The following KCTD4 variants were observed in gnomAD, a reference collection of about 807,000 sequenced individuals.
KCTD4 encodes potassium channel tetramerization domain containing 4.
In KCTD4, 12 loss-of-function variants were observed where a neutral mutation model predicts 18.3. The observed-to-expected ratio is 0.66, with a 90% confidence interval of 0.42 to 1.06. The LOEUF is 1.06. Ranked by LOEUF, KCTD4 falls within the 50% of genes least tolerant of loss-of-function variation. The pLI is 0.00. For missense variants in KCTD4, 250 were observed against 303.4 expected, an observed-to-expected ratio of 0.82 and a Z score of 1.31; for synonymous variants, 124 against 110.5, an observed-to-expected ratio of 1.12 and a Z score of -0.76.
At position 45,194,855 on chromosome 13, in the gene KCTD4, C is replaced by G. The variant is rs190019058; in HGVS notation, c.-187-101G>C. On this transcript the variant is annotated intron_variant, in intron 1 of 1. Transcript: ENST00000379108. Reference sequence around the variant, plus strand: ...CTATCCTTTGAAGTAATAAGAGTTACTCAGAATAAATTGAATTTCCTCTTG... The same window carrying G: ...CTATCCTTTGAAGTAATAAGAGTTAGTCAGAATAAATTGAATTTCCTCTTG... 67 of 385,784 alleles carry G rather than the reference C, an allele frequency of 1.7e-4. No individual in the cohort carries two copies. In the Middle Eastern group the frequency reaches 2.8e-3, roughly 16 times the overall value. 23.9% of individuals were successfully genotyped at this position (385,784 alleles called of 1,614,324 possible). A position where few individuals can be genotyped will look rare whatever the true frequency, so the allele number is the denominator to read the frequency against.
At chr13:45,199,681 C>G (rs1273085880) in intron 1 of KCTD4, among the ~76,000 whole-genome samples, 5 of 152,188 alleles carry the variant, frequency 3.3e-5, no homozygotes, top group African/African-American at 9.7e-5. Context: ...ATTTTACTTT[C>G]TCTTTGGGAA....
In KCTD4 at chr13:45,193,773, T is replaced by A. The variant is rs770917508; in HGVS notation, c.*15A>T. ...CTGGCTGCATGCTTGTTGCCTTTGT[T>A]CGTGACACAGGTAATTACTTGATAA... On this transcript the variant is annotated 3_prime_UTR_variant, in exon 2 of 2. Transcript: ENST00000379108. 6.4e-7 allele frequency: 1 copy of A among 1,555,136 alleles called. No individual in the cohort carries two copies. The highest frequency in any genetic ancestry group is 1.4e-5 in the African/African-American group (1 of 72,686).
chr13:45,199,509 TA>T (rs56378805), intron 1 of KCTD4, among the ~76,000 whole-genome samples: 31,422 of 152,172 alleles, frequency 0.21, 3,481 homozygotes, highest in African/African-American at 0.23. Context: ...TTAAGTTTTT[TA>T]AAAATGAAGT....
intron 1 of KCTD4, among the ~76,000 whole-genome samples, chr13:45,195,244 A>T (rs959510159): frequency 1.3e-5 from 2 of 152,024 alleles, no homozygotes; most frequent in East Asian, 1.9e-4. Context: ...GATGTTAAGA[A>T]TTTTTTTTAT....
intron 1 of KCTD4, among the ~76,000 whole-genome samples, chr13:45,199,250 T>TA (rs1405872407): frequency 6.6e-6 from 1 of 152,212 alleles, no homozygotes; most frequent in Non-Finnish European, 1.5e-5. Flanking sequence ...CCTACATTGG[T>TA]AAATGTTTTA....
At chr13:45,197,056 G>A (rs978670566) in intron 1 of KCTD4, among the ~76,000 whole-genome samples, 1 of 151,742 alleles carries the variant, frequency 6.6e-6, no homozygotes, top group Non-Finnish European at 1.5e-5. Flanking sequence ...CTTCACTCTG[G>A]TGTTCTTCTG....
At position 45,193,696 on chromosome 13, in the gene KCTD4, A is replaced by G; in HGVS notation, c.*92T>C. 8.5e-7 allele frequency: 1 copy of G among 1,179,362 alleles called. No individual in the cohort carries two copies. 73.1% of individuals were successfully genotyped at this position (1,179,362 alleles called of 1,614,324 possible). On this transcript the variant is annotated 3_prime_UTR_variant, in exon 2 of 2. Coordinates refer to ENST00000379108, the MANE Select transcript of KCTD4 (RefSeq NM_198404.3). ...TAGCAGGGCTCTGTAGTACAGAGCT[A>G]GCTGGGCATGTTATTTGGGATGTCT...
chr13:45,197,426 C>T (rs1593485677), intron 1 of KCTD4, among the ~76,000 whole-genome samples: 1 of 150,310 alleles, frequency 6.7e-6, no homozygotes, highest in Non-Finnish European at 1.5e-5. Context: ...GGAGAATCGC[C>T]TGAGCCCGGG....
chr13:45,194,595 C>G lies in KCTD4; in HGVS notation c.-28G>C. The G allele has an allele frequency of 6.3e-7, 1 of 1,580,942 alleles. No homozygotes were observed. The highest frequency in any genetic ancestry group is 8.6e-7 in the Non-Finnish European group (1 of 1,163,696). On this transcript the variant is annotated 5_prime_UTR_variant, in exon 2 of 2. Transcript: ENST00000379108. Reference sequence around the variant, plus strand: ...TTTGAAGATGCTATTTCAGCTTGTTCTTCTTGGCTTTGAGATTTTTTAAAA... The same window carrying G: ...TTTGAAGATGCTATTTCAGCTTGTTGTTCTTGGCTTTGAGATTTTTTAAAA...
At chr13:45,196,031 G>A (rs1872874291) in intron 1 of KCTD4, among the ~76,000 whole-genome samples, 2 of 152,068 alleles carry the variant, frequency 1.3e-5, no homozygotes, top group Admixed American at 1.3e-4. Context: ...ACTGTATGTT[G>A]ACATAGGAAT....
chr13:45,196,013 A>C (rs1458588788), intron 1 of KCTD4, among the ~76,000 whole-genome samples: 1 of 152,208 alleles, frequency 6.6e-6, no homozygotes, highest in Non-Finnish European at 1.5e-5. Context: ...GTATTTTAAA[A>C]TTATTTAACT....
At chr13:45,199,991 T>C (rs553020988) in intron 1 of KCTD4, among the ~76,000 whole-genome samples, 9 of 152,282 alleles carry the variant, frequency 5.9e-5, no homozygotes, top group African/African-American at 2.2e-4. Flanking sequence ...AAACTAGGGA[T>C]GGAGAACTCT....
At chr13:45,200,500 G>A (rs1241450426) in intron 1 of KCTD4, among the ~76,000 whole-genome samples, 1 of 152,032 alleles carries the variant, frequency 6.6e-6, no homozygotes, top group Admixed American at 6.6e-5. Flanking sequence ...TGGAGACTGG[G>A]TCTCACTTTG....
intron 1 of KCTD4, among the ~76,000 whole-genome samples, chr13:45,196,293 G>A (rs916705920): frequency 2.0e-5 from 3 of 152,134 alleles, no homozygotes; most frequent in Non-Finnish European, 2.9e-5. Context: ...AGAATTTTTA[G>A]TATTTTATCT....
intron 1 of KCTD4, among the ~76,000 whole-genome samples, chr13:45,200,574 G>A (rs988437054): frequency 1.3e-5 from 2 of 152,318 alleles, no homozygotes; most frequent in African/African-American, 4.8e-5. Context: ...GATTACAGAT[G>A]TGAGCCACCA....
chr13:45,196,396 G>A (rs1872892528), intron 1 of KCTD4, among the ~76,000 whole-genome samples: 1 of 152,108 alleles, frequency 6.6e-6, no homozygotes, highest in African/African-American at 2.4e-5. Flanking sequence ...ACAATCTCAT[G>A]TTTGTCTTGA....
chr13:45,196,439 A>G (rs142985420), intron 1 of KCTD4, among the ~76,000 whole-genome samples: 7 of 152,312 alleles, frequency 4.6e-5, no homozygotes, highest in South Asian at 2.1e-4. Context: ...TTTTCTGTCA[A>G]TACAACTTTT....
At chr13:45,198,938 A>G (rs1033813494) in intron 1 of KCTD4, among the ~76,000 whole-genome samples, 1 of 152,186 alleles carries the variant, frequency 6.6e-6, no homozygotes, top group Non-Finnish European at 1.5e-5. Context: ...GGATTTTCCC[A>G]TGTTAATGTA....
intron 1 of KCTD4, among the ~76,000 whole-genome samples, chr13:45,196,649 A>G (rs947185593): frequency 2.0e-5 from 3 of 152,218 alleles, no homozygotes; most frequent in Non-Finnish European, 4.4e-5. Flanking sequence ...TTAGTACAAC[A>G]TAACTGTAGT....
Sources: allele counts gnomAD v4.1 joint callset (sites outside exome capture counted in the v4.1 genomes callset), GRCh38; gene constraint gnomAD v4.1.1; transcripts MANE v1.5; gene names NCBI Gene and HGNC (gene_info 2026-07-23, HGNC 2026-07-21).